The following MICAL3 variants were observed in gnomAD, a reference collection of about 807,000 sequenced individuals.
The protein encoded by MICAL3 is microtubule associated monooxygenase, calponin and LIM domain containing 3.
MICAL3 carries 62 observed loss-of-function variants against 207.4 expected under a neutral mutation model. The ratio of observed to expected loss-of-function variants is 0.30; its 90% CI spans 0.24 to 0.37. The LOEUF (loss-of-function observed/expected upper bound fraction) is 0.37, where lower values mean the gene tolerates loss of function less well. MICAL3 is among the 10% of genes least tolerant of loss of function. MICAL3 has a pLI of 1.00. For missense variants in MICAL3, 2,368 were observed against 2,635.6 expected (o/e 0.90, Z 2.22); for synonymous variants, 1,077 against 1,069.3 (o/e 1.01, Z -0.14).
rs377737197 is a variant in MICAL3 at position 17,919,072 on chromosome 22, G to A, written c.-74-12186C>T. On this transcript the variant is annotated intron_variant, in intron 1 of 31. Coordinates refer to ENST00000441493, the MANE Select transcript of MICAL3 (RefSeq NM_015241.3). ...CATACTCCAAATGTTTTTGGTTTTTGTGGGTTTTTTTTTTTTTTGAGACAG... is the reference window on the plus strand; with the variant it reads ...CATACTCCAAATGTTTTTGGTTTTTATGGGTTTTTTTTTTTTTTGAGACAG... Among the ~76,000 whole-genome samples, 451 of 126,488 alleles carry A rather than the reference G, an allele frequency of 3.6e-3. 4 individuals carry two copies. Among genetic ancestry groups the A allele is most frequent in the African/African-American group, 0.016 (414 of 25,652 alleles). The allele number at this position is 126,488 out of a possible 152,430, so 83.0% of individuals were successfully genotyped here. A position where few individuals can be genotyped will look rare whatever the true frequency, so the allele number is the denominator to read the frequency against.
chr22:17,864,064 C>G, intron 19 of MICAL3: 1 of 987,234 alleles, frequency 1.0e-6, no homozygotes, highest in East Asian at 1.1e-4. Flanking sequence ...TTGTGGAGCT[C>G]TGGACGCATC....
chr22:17,960,987 C>T (rs73390506), intron 1 of MICAL3, among the ~76,000 whole-genome samples: 3,948 of 152,020 alleles, frequency 0.026, 189 homozygotes, highest in African/African-American at 0.091. Flanking sequence ...GACTGGGGTG[C>T]GAGGGGAACC....
At chr22:17,942,906 G>C (rs1933878191) in intron 1 of MICAL3, among the ~76,000 whole-genome samples, 1 of 152,190 alleles carries the variant, frequency 6.6e-6, no homozygotes, top group Non-Finnish European at 1.5e-5. Flanking sequence ...CAAGGTCCAA[G>C]GTGAAAGCAG....
chr22:17,952,618 A>T (rs933164211), intron 1 of MICAL3, among the ~76,000 whole-genome samples: 4 of 152,224 alleles, frequency 2.6e-5, no homozygotes, highest in Non-Finnish European at 5.9e-5. Flanking sequence ...GCGCTATAAA[A>T]TACCAAGCAG....
intron 1 of MICAL3, among the ~76,000 whole-genome samples, chr22:17,913,460 A>G (rs1474228231): frequency 1.3e-5 from 2 of 152,156 alleles, no homozygotes; most frequent in East Asian, 1.9e-4. Context: ...AAGACTTCCA[A>G]TGTGCTACCA....
intron 1 of MICAL3, among the ~76,000 whole-genome samples, chr22:17,939,154 T>C (rs1221138119): frequency 1.3e-5 from 2 of 152,168 alleles, no homozygotes; most frequent in Non-Finnish European, 2.9e-5. Flanking sequence ...TTCAGCTCCC[T>C]TGCCATGTGA....
intron 1 of MICAL3, among the ~76,000 whole-genome samples, chr22:17,943,384 G>A (rs1210197247): frequency 6.6e-6 from 1 of 152,036 alleles, no homozygotes; most frequent in South Asian, 2.1e-4. Flanking sequence ...GGCTGGCCTC[G>A]AACTCCTGAC....
intron 1 of MICAL3, among the ~76,000 whole-genome samples, chr22:18,017,647 G>A (rs1196507676): frequency 6.6e-6 from 1 of 151,234 alleles, no homozygotes; most frequent in Non-Finnish European, 1.5e-5. Flanking sequence ...GTACAGTGGT[G>A]TGATCTCAGC....
intron 1 of MICAL3, among the ~76,000 whole-genome samples, chr22:17,910,781 A>G (rs1932087902): frequency 6.6e-6 from 1 of 152,182 alleles, no homozygotes; most frequent in African/African-American, 2.4e-5. Flanking sequence ...GGCTCTGACA[A>G]CAGCCGGGAA....
rs796275708 is a variant in MICAL3 at position 17,950,337 on chromosome 22, G to T, written c.-74-43451C>A. On this transcript the variant is annotated intron_variant, in intron 1 of 31. Coordinates refer to ENST00000441493, the MANE Select transcript of MICAL3 (RefSeq NM_015241.3). ...CCACCACATCTGGCGTTTTGTTTTTGTTTTTTTTTTTTTTTTTTTTTTTGA... is the reference window on the plus strand; with the variant it reads ...CCACCACATCTGGCGTTTTGTTTTTTTTTTTTTTTTTTTTTTTTTTTTTGA... Among the ~76,000 whole-genome samples the T allele has an allele frequency of 5.9e-3, 527 of 89,250 alleles. 9 individuals are homozygous for T. Among genetic ancestry groups the T allele is most frequent in the African/African-American group, 0.018 (474 of 26,330 alleles). The allele number at this position is 89,250 out of a possible 152,430, so 58.6% of individuals were successfully genotyped here.
chr22:17,861,274 T>C, intron 19 of MICAL3: 9 of 985,416 alleles, frequency 9.1e-6, no homozygotes, highest in Non-Finnish European at 9.6e-6. Context: ...ATCCGAACTA[T>C]GGAACCTCAT....
At chr22:17,827,874 T>C (rs777900960) in intron 21 of MICAL3, 93 bp from the exon 22 acceptor site, 6 of 1,344,994 alleles carry the variant, frequency 4.5e-6, no homozygotes, top group Admixed American at 2.2e-5. Context: ...AGTTACAGCA[T>C]TGGCCAGGGT....
At chr22:17,996,669 G>A (rs924483145) in intron 1 of MICAL3, among the ~76,000 whole-genome samples, 31 of 152,134 alleles carry the variant, frequency 2.0e-4, no homozygotes, top group Non-Finnish European at 2.6e-4. Context: ...CAGGGGATCC[G>A]AGCTGAATTC....
chr22:17,875,490 G>C (rs1400342155), intron 16 of MICAL3: 2 of 1,556,388 alleles, frequency 1.3e-6, no homozygotes, highest in African/African-American at 2.7e-5. Context: ...GCGGGCAGAG[G>C]AGCGGAGACT....
chr22:17,953,930 C>CAAAAAAAAAAAAAAAAAAAAAA lies in MICAL3; in HGVS notation c.-74-47066_-74-47045dup, dbSNP rs59740388. 4.6e-3 allele frequency among the ~76,000 whole-genome samples: 397 copies of CAAAAAAAAAAAAAAAAAAAAAA among 86,496 alleles called. 9 individuals carry two copies. The highest frequency in any genetic ancestry group is 0.012 in the Middle Eastern group (2 of 172). The allele number at this position is 86,496 out of a possible 152,430, so 56.7% of individuals were successfully genotyped here. A position where few individuals can be genotyped will look rare whatever the true frequency, so the allele number is the denominator to read the frequency against. Reference sequence around the variant, plus strand: ...CAGGTGACAGAGTAAGACTCCATCTCAAAAAAAAAAAAAAAAAAAAAAAAA... The same window carrying CAAAAAAAAAAAAAAAAAAAAAA: ...CAGGTGACAGAGTAAGACTCCATCTCAAAAAAAAAAAAAAAAAAAAAAAAAAAAAAAAAAAAAAAAAAAAAAA... On this transcript the variant is annotated intron_variant, in intron 1 of 31. Transcript: ENST00000441493.
In MICAL3 at chr22:17,902,561, T is replaced by C; in HGVS notation, c.589+70A>G. ...CAGCCCTCAGGAGCCTTTGGTTTGC[T>C]CCCTCAATCTCATCTTCCTCACCCA... On this transcript the variant is annotated intron_variant, in intron 4 of 31. Coordinates refer to ENST00000441493, the MANE Select transcript of MICAL3 (RefSeq NM_015241.3). The surrounding 1 kb of genome is among the most constrained non-coding windows in gnomAD (Gnocchi z 4.5). 1 of 942,574 alleles carries C rather than the reference T, an allele frequency of 1.1e-6. No homozygotes were observed. Among genetic ancestry groups the C allele is most frequent in the Non-Finnish European group, 1.6e-6 (1 of 609,374 alleles). The allele number at this position is 942,574 out of a possible 1,614,324, so 58.4% of individuals were successfully genotyped here.
intron 16 of MICAL3, among the ~76,000 whole-genome samples, chr22:17,879,824 A>G (rs1929252693): frequency 6.6e-6 from 1 of 152,210 alleles, no homozygotes; most frequent in Non-Finnish European, 1.5e-5. Flanking sequence ...ATAAATGACT[A>G]AGACAGCAGT....
rs1252544633 is a variant in MICAL3 at position 17,809,763 on chromosome 22, TATCA to T, written c.5557-830_5557-827del. Among the ~76,000 whole-genome samples, 3 of 152,322 alleles carry T rather than the reference TATCA, an allele frequency of 2.0e-5. No homozygotes were observed. The East Asian group carries it at 5.8e-4, about 29-fold the overall frequency. On this transcript the variant is annotated intron_variant, in intron 28 of 31. Coordinates refer to ENST00000441493, the MANE Select transcript of MICAL3 (RefSeq NM_015241.3). The stretch of plus-strand genomic sequence containing the variant: ...CCTCTTCCCACAAAAATCCCAGGCC[TATCA>T]GAGGCTGAGGGGCCACAAATGGACT...
chr22:18,014,308 C>G (rs187886037), intron 1 of MICAL3, among the ~76,000 whole-genome samples: 1 of 152,210 alleles, frequency 6.6e-6, no homozygotes, highest in Non-Finnish European at 1.5e-5. Context: ...GAAAATGAGG[C>G]ACTAAGACAC....
Sources: allele counts gnomAD v4.1 joint callset (sites outside exome capture counted in the v4.1 genomes callset), GRCh38; gene constraint gnomAD v4.1.1; non-coding constraint Gnocchi (gnomAD v3.1); transcripts MANE v1.5; gene names NCBI Gene and HGNC (gene_info 2026-07-23, HGNC 2026-07-21).